The following SYT9 variants were observed in gnomAD, a reference collection of about 807,000 sequenced individuals.
SYT9 encodes the protein synaptotagmin-9.
In SYT9, 22 loss-of-function variants were observed where a neutral mutation model predicts 48.4. That is an observed-to-expected ratio of 0.45 (90% confidence interval 0.32 to 0.65). The LOEUF (loss-of-function observed/expected upper bound fraction) is 0.65. Among genes scored for constraint, SYT9 ranks in the 30% least tolerant of loss-of-function variants. The pLI, the probability that SYT9 is intolerant of heterozygous loss-of-function variation, is 0.03. For missense variants in SYT9, 577 were observed against 622.0 expected (o/e 0.93, Z 0.77); for synonymous variants, 265 against 245.0 (o/e 1.08, Z -0.76).
At chr11:7,369,794 A>ACAC (rs1564879645) in intron 3 of SYT9, among the ~76,000 whole-genome samples, 1 of 143,894 alleles carries the variant, frequency 6.9e-6, no homozygotes, top group East Asian at 2.0e-4. Flanking sequence ...CACACACACA[A>ACAC]ACACACACAC....
intron 3 of SYT9, among the ~76,000 whole-genome samples, chr11:7,414,207 G>C (rs1847194920): frequency 6.6e-6 from 1 of 152,164 alleles, no homozygotes; most frequent in Admixed American, 6.5e-5. Flanking sequence ...AATGTATGTT[G>C]AAAGAATTGA....
intron 6 of SYT9, among the ~76,000 whole-genome samples, chr11:7,447,854 C>T (rs1368690960): frequency 6.6e-6 from 1 of 152,230 alleles, no homozygotes; most frequent in Non-Finnish European, 1.5e-5. Flanking sequence ...CAACTAGGTG[C>T]CCAGTGTTGG....
intron 6 of SYT9, chr11:7,438,770 T>C (rs1847765282): frequency 6.6e-6 from 1 of 152,342 alleles, no homozygotes. Flanking sequence ...GCTGTGCACA[T>C]TGAAACTGCC....
chr11:7,323,014 A>C (rs1849364001), intron 3 of SYT9, among the ~76,000 whole-genome samples: 1 of 152,156 alleles, frequency 6.6e-6, no homozygotes, highest in African/African-American at 2.4e-5. Context: ...GTACATAACT[A>C]GTTCTTTTTT....
At chr11:7,353,141 T>G (rs1849949516) in intron 3 of SYT9, among the ~76,000 whole-genome samples, 1 of 152,174 alleles carries the variant, frequency 6.6e-6, no homozygotes. Flanking sequence ...GTTGGGACCT[T>G]TAAATATATT....
At chr11:7,249,899 A>G (rs371134794), upstream of SYT9, among the ~76,000 whole-genome samples, 10 of 152,304 alleles carry the variant, frequency 6.6e-5, no homozygotes, top group African/African-American at 2.4e-4. Context: ...ACTATATTTG[A>G]AAGTTTACAG....
chr11:7,313,265 A>T (rs1210077078), intron 2 of SYT9, 130 bp from the exon 3 acceptor site: 1 of 917,178 alleles, frequency 1.1e-6, no homozygotes, highest in South Asian at 1.9e-5. Flanking sequence ...GGCCACACAC[A>T]CACAAAAAAG....
chr11:7,263,944 T>G (rs543355522), intron 1 of SYT9, among the ~76,000 whole-genome samples: 13 of 152,232 alleles, frequency 8.5e-5, no homozygotes, highest in African/African-American at 2.9e-4. Context: ...AATAACTGTA[T>G]GTTTGTATGC....
chr11:7,437,269 C>G (rs1276135809), intron 6 of SYT9, among the ~76,000 whole-genome samples: 1 of 152,200 alleles, frequency 6.6e-6, no homozygotes, highest in African/African-American at 2.4e-5. Flanking sequence ...AATAAGTCCC[C>G]AGTTCTACAT....
At chr11:7,276,240 G>C (rs183039589) in intron 1 of SYT9, among the ~76,000 whole-genome samples, 7 of 152,136 alleles carry the variant, frequency 4.6e-5, no homozygotes, top group Non-Finnish European at 4.4e-5. Flanking sequence ...GTTTTATCTC[G>C]TAATAATTTC....
intron 1 of SYT9, among the ~76,000 whole-genome samples, chr11:7,242,301 T>A (rs1351618549): frequency 6.6e-6 from 1 of 152,166 alleles, no homozygotes; most frequent in Non-Finnish European, 1.5e-5. Context: ...AGCTTCATGA[T>A]GTGAGCTCTG....
intron 1 of SYT9, among the ~76,000 whole-genome samples, chr11:7,273,201 A>C (rs1003057619): frequency 6.6e-6 from 1 of 152,192 alleles, no homozygotes; most frequent in Non-Finnish European, 1.5e-5. Context: ...ATTGGGTTTT[A>C]GAAATGTGTA....
intron 3 of SYT9, among the ~76,000 whole-genome samples, chr11:7,404,912 G>T (rs751805556): frequency 6.6e-6 from 1 of 152,086 alleles, no homozygotes; most frequent in Non-Finnish European, 1.5e-5. Context: ...TAGATCGACA[G>T]ATAGAGAATT....
At chr11:7,297,028 G>A (rs986202730) in intron 1 of SYT9, among the ~76,000 whole-genome samples, 1 of 151,282 alleles carries the variant, frequency 6.6e-6, no homozygotes, top group Non-Finnish European at 1.5e-5. Flanking sequence ...ATCATCTGAG[G>A]ATCAGGAAAA....
chr11:7,279,559 C>A (rs1007444024), intron 1 of SYT9, among the ~76,000 whole-genome samples: 2 of 152,128 alleles, frequency 1.3e-5, no homozygotes, highest in Non-Finnish European at 2.9e-5. Context: ...AGAACCATGA[C>A]CACCTCCCGC....
chr11:7,419,870 T>A (rs1286299597), intron 5 of SYT9, among the ~76,000 whole-genome samples: 1 of 152,162 alleles, frequency 6.6e-6, no homozygotes, highest in Non-Finnish European at 1.5e-5. Context: ...CACTCCAGCG[T>A]GGGTGACAGA....
chr11:7,374,206 A>T (rs1850413813), intron 3 of SYT9, among the ~76,000 whole-genome samples: 3 of 152,108 alleles, frequency 2.0e-5, no homozygotes, highest in African/African-American at 7.2e-5. Flanking sequence ...TTTGCTGAGA[A>T]TGATGGTTTC....
At chr11:7,341,896 TG>T (rs1216016519) in intron 3 of SYT9, among the ~76,000 whole-genome samples, 1 of 152,136 alleles carries the variant, frequency 6.6e-6, no homozygotes, top group Non-Finnish European at 1.5e-5. Flanking sequence ...TAGTTCCACG[TG>T]GTTGGCAAGA....
chr11:7,240,142 T>C (rs1398836905), intron 1 of SYT9, among the ~76,000 whole-genome samples: 1 of 151,910 alleles, frequency 6.6e-6, no homozygotes, highest in Non-Finnish European at 1.5e-5. Flanking sequence ...AAGAGAGTAG[T>C]CCGTGAGAAA....
Sources: gnomAD v4.1 joint callset for allele counts (sites outside exome capture counted in the v4.1 genomes callset) on GRCh38, gnomAD v4.1.1 for gene constraint, MANE v1.5 for transcripts, NCBI Gene and HGNC (gene_info 2026-07-23, HGNC 2026-07-21) for gene names.